Variants in DLGAP2 observed in about 807,000 individuals in gnomAD.
DLGAP2 encodes the protein disks large-associated protein 2.
A neutral mutation model predicts 100.3 loss-of-function variants in DLGAP2; 26 were observed. The observed-to-expected ratio is 0.26, with a 90% CI of 0.19 to 0.36. DLGAP2 has a LOEUF of 0.36. Among genes scored for constraint, DLGAP2 ranks in the 10% least tolerant of loss-of-function variants. The pLI, the probability that DLGAP2 is intolerant of heterozygous loss-of-function variation, is 1.00. For synonymous variants in DLGAP2, 886 were observed against 630.1 expected (o/e 1.41, Z -6.08); for missense variants, 1,858 against 1,453.2 (o/e 1.28, Z -4.53).
intron 2 of DLGAP2, among the ~76,000 whole-genome samples, chr8:1,187,793 G>C (rs771923696): frequency 4.2e-5 from 5 of 120,144 alleles, no homozygotes; most frequent in South Asian, 5.2e-4. Flanking sequence ...TGTGACGTTT[G>C]CCTCATGGAA....
chr8:1,570,283 C>T (rs1282703387), intron 6 of DLGAP2, among the ~76,000 whole-genome samples: 1 of 152,252 alleles, frequency 6.6e-6, no homozygotes, highest in African/African-American at 2.4e-5. Context: ...GTTTCACCCA[C>T]GTGAACGCCC....
intron 2 of DLGAP2, among the ~76,000 whole-genome samples, chr8:1,237,309 C>G (rs1409455184): frequency 1.1e-4 from 14 of 122,560 alleles, no homozygotes; most frequent in African/African-American, 5.4e-4. Context: ...TTCTGTCTCA[C>G]ACAGAGCATC....
intron 3 of DLGAP2, among the ~76,000 whole-genome samples, chr8:1,330,609 T>C (rs1013658396): frequency 5.6e-5 from 8 of 143,872 alleles, no homozygotes; most frequent in Admixed American, 1.4e-4. Flanking sequence ...GACCGAGTTC[T>C]GGGTGGGAGC....
intron 8 of DLGAP2, among the ~76,000 whole-genome samples, chr8:1,642,748 G>C (rs868750961): frequency 6.9e-5 from 1 of 14,590 alleles, no homozygotes; most frequent in African/African-American, 1.2e-4. Flanking sequence ...CCTCGAACCC[G>C]CCGGCCCTCA....
intron 3 of DLGAP2, among the ~76,000 whole-genome samples, chr8:1,312,426 AT>A (rs1216931407): frequency 6.6e-6 from 1 of 152,222 alleles, no homozygotes; most frequent in Non-Finnish European, 1.5e-5. Flanking sequence ...ATCTTTGCAA[AT>A]CACGTATCCA....
Position 926,059 on chromosome 8 carries a change from A to G in DLGAP2, c.73+18093A>G, listed in dbSNP as rs144375971. Among the ~76,000 whole-genome samples, 928 of 152,136 alleles carry G rather than the reference A, an allele frequency of 6.1e-3. 8 individuals are homozygous for G. The highest frequency in any genetic ancestry group is 0.021 in the African/African-American group (877 of 41,518). ...AGAGCAGGTCTTAGCCATGCTGTCA[A>G]TTTTCCGTGTTCTGACGCTTTCATG... On this transcript the variant is annotated intron_variant, in intron 2 of 14. Coordinates refer to ENST00000637795, the MANE Select transcript of DLGAP2 (RefSeq NM_001346810.2).
At chr8:1,224,883 C>G (rs926148663) in intron 2 of DLGAP2, among the ~76,000 whole-genome samples, 5 of 152,240 alleles carry the variant, frequency 3.3e-5, no homozygotes, top group African/African-American at 1.2e-4. Context: ...CCGCAGTGAA[C>G]TGCTCCCCCA....
intron 2 of DLGAP2, among the ~76,000 whole-genome samples, chr8:1,194,586 C>T (rs1797710171): frequency 6.6e-6 from 1 of 152,198 alleles, no homozygotes; most frequent in Non-Finnish European, 1.5e-5. Context: ...CCCTCAAGCA[C>T]CCACGCCTGC....
intron 2 of DLGAP2, among the ~76,000 whole-genome samples, chr8:1,192,113 T>C (rs1244867828): frequency 6.6e-6 from 1 of 152,128 alleles, no homozygotes; most frequent in East Asian, 1.9e-4. Context: ...TCTAGATGGC[T>C]TTCTCCTCTC....
intron 3 of DLGAP2, among the ~76,000 whole-genome samples, chr8:1,264,110 A>G (rs1197443529): frequency 6.6e-6 from 1 of 152,142 alleles, no homozygotes; most frequent in Admixed American, 6.5e-5. Flanking sequence ...AATAAATAAA[A>G]TGCTGTACAA....
At chr8:947,887 G>T (rs1271036579) in intron 2 of DLGAP2, among the ~76,000 whole-genome samples, 1 of 145,028 alleles carries the variant, frequency 6.9e-6, no homozygotes, top group Admixed American at 6.9e-5. Flanking sequence ...GTGCCAGCCC[G>T]TGTGGGCCAT....
At chr8:903,400 G>T (rs901952664) in intron 1 of DLGAP2, among the ~76,000 whole-genome samples, 1 of 152,104 alleles carries the variant, frequency 6.6e-6, no homozygotes, top group Admixed American at 6.5e-5. Context: ...AGGCTGTGAT[G>T]TCAGCTCAAT....
At chr8:914,085 A>G (rs775668372) in intron 2 of DLGAP2, among the ~76,000 whole-genome samples, 14 of 152,380 alleles carry the variant, frequency 9.2e-5, no homozygotes, top group Non-Finnish European at 1.6e-4. Flanking sequence ...CTTCAAGTAA[A>G]TTTCTTTTTA....
intron 2 of DLGAP2, among the ~76,000 whole-genome samples, chr8:1,223,140 G>T (rs1158405878): frequency 1.3e-5 from 2 of 152,168 alleles, no homozygotes; most frequent in African/African-American, 4.8e-5. Flanking sequence ...GCCACTCCAT[G>T]CCTGTTTCCC....
At chr8:1,350,944 CTGAG>C in intron 3 of DLGAP2, among the ~76,000 whole-genome samples, 1 of 135,488 alleles carries the variant, frequency 7.4e-6, no homozygotes. Flanking sequence ...CGTGCGGGTC[CTGAG>C]TGTGTGTGGA....
Position 1,702,449 on chromosome 8 carries a change from G to C in DLGAP2, c.*1043G>C, listed in dbSNP as rs1799600921. 1 of 152,400 alleles carries C rather than the reference G, an allele frequency of 6.6e-6. No individual in the cohort carries two copies. Among genetic ancestry groups the C allele is most frequent in the African/African-American group, 2.4e-5 (1 of 41,350 alleles). 9.4% of individuals were successfully genotyped at this position (152,400 alleles called of 1,614,324 possible). ...AAGTTTAAGAAATATGAATGTGAGT[G>C]GTAAGTATATCTCAGTTTAAATGGT... On this transcript the variant is annotated 3_prime_UTR_variant, in exon 15 of 15. Transcript: ENST00000637795.
At chr8:1,117,638 A>G (rs1805159573) in intron 2 of DLGAP2, among the ~76,000 whole-genome samples, 1 of 152,188 alleles carries the variant, frequency 6.6e-6, no homozygotes, top group Non-Finnish European at 1.5e-5. Flanking sequence ...GCAAGTCTGA[A>G]CTGAGATGGC....
At chr8:1,224,587 A>G (rs2116819126) in intron 2 of DLGAP2, among the ~76,000 whole-genome samples, 1 of 152,332 alleles carries the variant, frequency 6.6e-6, no homozygotes, top group East Asian at 1.9e-4. Context: ...GAAAAACTCA[A>G]CAAAATTGTT....
intron 3 of DLGAP2, among the ~76,000 whole-genome samples, chr8:1,483,500 C>T (rs552263665): frequency 3.9e-5 from 5 of 129,706 alleles, no homozygotes; most frequent in Admixed American, 1.4e-4. Context: ...AGGCGCAGAA[C>T]GTGAGGACAA....
Sources: gnomAD v4.1 joint callset for allele counts (sites outside exome capture counted in the v4.1 genomes callset) on GRCh38, gnomAD v4.1.1 for gene constraint, MANE v1.5 for transcripts, NCBI Gene and HGNC (gene_info 2026-07-23, HGNC 2026-07-21) for gene names.